The following ADGRA2 variants were observed in gnomAD, a reference collection of about 807,000 sequenced individuals.
The protein encoded by ADGRA2 is G-protein coupled receptor 124.
Under a neutral mutation model 98.7 loss-of-function variants are expected in ADGRA2, and 61 were observed. That is an observed-to-expected ratio of 0.62 (90% CI 0.50 to 0.76). The LOEUF (loss-of-function observed/expected upper bound fraction) is 0.76. Among genes scored for constraint, ADGRA2 ranks in the 30% least tolerant of loss-of-function variants. ADGRA2 has a pLI of 0.00. For missense variants in ADGRA2, 1,712 were observed against 1,860.0 expected, an observed-to-expected ratio of 0.92 and a Z score of 1.46; for synonymous variants, 858 against 831.5, an observed-to-expected ratio of 1.03 and a Z score of -0.55.
intron 17 of ADGRA2, among the ~76,000 whole-genome samples, 193 bp downstream of exon 17, chr8:37,840,459 C>T (rs1230547744): frequency 2.0e-5 from 3 of 152,110 alleles, no homozygotes; most frequent in Non-Finnish European, 4.4e-5. Flanking sequence ...GCTTCTGGGG[C>T]ATGACAAAGC....
chr8:37,799,873 T>G (rs999902821), intron 1 of ADGRA2, among the ~76,000 whole-genome samples: 1 of 152,178 alleles, frequency 6.6e-6, no homozygotes, highest in African/African-American at 2.4e-5. Context: ...ACAGACTTAC[T>G]GCTTAGCTCT....
chr8:37,842,619 C>G lies in ADGRA2; in HGVS notation c.*264C>G, dbSNP rs112994354. Reference sequence around the variant, plus strand: ...GCCCTCCCAGGAACGGGGAAGGCCTCCGTCTGTGTGAAAGGGCACAGCACA... The same window carrying G: ...GCCCTCCCAGGAACGGGGAAGGCCTGCGTCTGTGTGAAAGGGCACAGCACA... On this transcript the variant is annotated 3_prime_UTR_variant, in exon 19 of 19. Coordinates refer to ENST00000412232, the MANE Select transcript of ADGRA2 (RefSeq NM_032777.10). 2.1e-3 allele frequency: 934 copies of G among 453,882 alleles called. 2 individuals are homozygous for G. The highest frequency in any genetic ancestry group is 2.0e-3 in the Non-Finnish European group (548 of 275,736). 28.1% of individuals were successfully genotyped at this position (453,882 alleles called of 1,614,324 possible).
rs756740845 is a variant in ADGRA2, at chr8:37,830,180, C to T, written c.718+166C>T. Among the ~76,000 whole-genome samples the T allele has an allele frequency of 2.4e-4, 36 of 152,224 alleles. No homozygotes were observed. The highest frequency in any genetic ancestry group is 3.8e-4 in the Non-Finnish European group (26 of 68,044). ...GCTCTTGCATTTAGGGAGACCTTAT[C>T]TTTATGTATAAATCACCATCTGAGA... On this transcript the variant is annotated intron_variant, in intron 6 of 18. Coordinates refer to ENST00000412232, the MANE Select transcript of ADGRA2 (RefSeq NM_032777.10). The surrounding 1 kb of genome is among the most constrained non-coding windows in gnomAD (Gnocchi z 4.8).
chr8:37,844,506 AC>A lies in ADGRA2; in HGVS notation c.*2152del. 6.2e-7 allele frequency: 1 copy of A among 1,613,088 alleles called. No homozygotes were observed. Among genetic ancestry groups the A allele is most frequent in the Non-Finnish European group, 8.5e-7 (1 of 1,179,966 alleles). Reference sequence around the variant, plus strand: ...GGATATCCATCAGGGAGGGTTAGGGACACTCGTGGCAGCCTGTCTAGCAGCC... The same window carrying A: ...GGATATCCATCAGGGAGGGTTAGGGAACTCGTGGCAGCCTGTCTAGCAGCC... On this transcript the variant is annotated 3_prime_UTR_variant, in exon 19 of 19. Transcript: ENST00000412232.
intron 2 of ADGRA2, among the ~76,000 whole-genome samples, chr8:37,827,813 G>C (rs1805322678): frequency 6.8e-6 from 1 of 148,038 alleles, no homozygotes. Context: ...CAGACAGAGA[G>C]GGGCACAGGG....
rs757238253 is a variant in ADGRA2 at position 37,833,076 on chromosome 8, G to T, written c.1164G>T (p.Val388=). The part of the protein sequence containing the change: ...QSCLQYPFTS[V]PLGGGAPGTR... ...GCCTGCAGTATCCCTTCACCTCAGT[G>T]CCCCTGGGCGGGGGTGCCCCGGGCA... The change falls in exon 9 of 19, where the codon GTG becomes GTT. Residue 388 remains valine, a synonymous_variant. Coordinates refer to ENST00000412232, the MANE Select transcript of ADGRA2 (RefSeq NM_032777.10). 3 of 1,612,834 alleles carry T rather than the reference G, an allele frequency of 1.9e-6. No homozygotes were observed. Among genetic ancestry groups the T allele is most frequent in the Non-Finnish European group, 2.5e-6 (3 of 1,179,864 alleles).
intron 3 of ADGRA2, 125 bp from the exon 4 acceptor site, chr8:37,829,136 C>G (rs1260643834): frequency 1.2e-6 from 1 of 863,946 alleles, no homozygotes; most frequent in Non-Finnish European, 1.9e-6. Context: ...CGGCCTGGCC[C>G]CAACCTCATC....
rs769230814 is a variant in ADGRA2, at chr8:37,835,244, C to T, written c.1679C>T (p.Ala560Val). Residue 560 changes from alanine (A) to valine (V), a missense_variant, in exon 12 of 19, where the codon GCC (alanine) becomes GTC (valine). Physicochemically the swap from Ala to Val is moderately conservative, Grantham distance 64. Transcript: ENST00000412232. ...PHSYVGLTCT[A>V]FQRREGGVPG... is the part of the protein sequence containing the mutation. ...AGCTACGTGGGCCTGACCTGCACAGCCTTCCAGAGGAGGGAGGGAGGGGTG... is the reference window on the plus strand; with the variant it reads ...AGCTACGTGGGCCTGACCTGCACAGTCTTCCAGAGGAGGGAGGGAGGGGTG... 1.2e-6 allele frequency: 2 copies of T among 1,613,978 alleles called. No homozygotes were observed. Among genetic ancestry groups the T allele is most frequent in the South Asian group, 1.1e-5 (1 of 91,082 alleles).
chr8:37,804,356 C>G (rs998914759), intron 1 of ADGRA2, among the ~76,000 whole-genome samples: 1 of 152,188 alleles, frequency 6.6e-6, no homozygotes, highest in African/African-American at 2.4e-5. Context: ...CCCTCAGTCT[C>G]AAACAGTGAC....
Position 37,826,822 on chromosome 8 carries a change from C to A in ADGRA2, c.339-2066C>A, listed in dbSNP as rs557852097. On this transcript the variant is annotated intron_variant, in intron 2 of 18. Coordinates refer to ENST00000412232, the MANE Select transcript of ADGRA2 (RefSeq NM_032777.10). ...TGGGCAGGGCCAAGAGCCTCCTCAG[C>A]CCCCCACCCCTGACCTCCTCCTCCA... Among the ~76,000 whole-genome samples the A allele has an allele frequency of 3.3e-5, 5 of 152,106 alleles. No individual in the cohort carries two copies. In the East Asian group the frequency reaches 9.7e-4, roughly 30 times the overall value.
chr8:37,840,388 G>T lies in ADGRA2; in HGVS notation c.2657+122G>T, dbSNP rs10102577. Reference sequence around the variant, plus strand: ...TGGGAGATCACTCTCCAAAGACGGGGGAGGCTAGGCCCTAGACTCAGCAGG... The same window carrying T: ...TGGGAGATCACTCTCCAAAGACGGGTGAGGCTAGGCCCTAGACTCAGCAGG... On this transcript the variant is annotated intron_variant, in intron 17 of 18. Coordinates refer to ENST00000412232, the MANE Select transcript of ADGRA2 (RefSeq NM_032777.10). 12 of 1,050,466 alleles carry T rather than the reference G, an allele frequency of 1.1e-5. No homozygotes were observed. In the African/African-American group the frequency reaches 1.2e-4, roughly 11 times the overall value. 65.1% of individuals were successfully genotyped at this position (1,050,466 alleles called of 1,614,324 possible). A position where few individuals can be genotyped will look rare whatever the true frequency, so the allele number is the denominator to read the frequency against.
chr8:37,824,255 T>C (rs1336699966), intron 2 of ADGRA2, among the ~76,000 whole-genome samples: 1 of 152,000 alleles, frequency 6.6e-6, no homozygotes, highest in Non-Finnish European at 1.5e-5. Flanking sequence ...GGTCTCGAAC[T>C]CCTGACCTCG....
intron 17 of ADGRA2, among the ~76,000 whole-genome samples, 181 bp downstream of exon 17, chr8:37,840,447 G>A (rs891298383): frequency 4.6e-5 from 7 of 152,112 alleles, no homozygotes; most frequent in East Asian, 1.9e-4. Context: ...GACATCTTGC[G>A]GGCTTCTGGG....
At chr8:37,811,618 A>G (rs1352508558) in intron 1 of ADGRA2, among the ~76,000 whole-genome samples, 1 of 149,422 alleles carries the variant, frequency 6.7e-6, no homozygotes, top group African/African-American at 2.5e-5. Flanking sequence ...CTGGGATTAC[A>G]GGCATGCACC....
intron 1 of ADGRA2, among the ~76,000 whole-genome samples, chr8:37,799,858 C>G (rs1804447998): frequency 6.6e-6 from 1 of 152,174 alleles, no homozygotes; most frequent in South Asian, 2.1e-4. Flanking sequence ...ATGGAATCCC[C>G]AGCCACAGAC....
At chr8:37,836,097 A>ACACCCCC (rs1245868623) in intron 13 of ADGRA2, among the ~76,000 whole-genome samples, 4 of 108,742 alleles carry the variant, frequency 3.7e-5, no homozygotes, top group African/African-American at 1.5e-4. Flanking sequence ...ACACACACAC[A>ACACCCCC]CCCCACAGGC....
At chr8:37,808,560 G>GTGTT (rs1804742206) in intron 1 of ADGRA2, among the ~76,000 whole-genome samples, 1 of 126,162 alleles carries the variant, frequency 7.9e-6, no homozygotes, top group African/African-American at 4.6e-5. Flanking sequence ...GGATGAAGCT[G>GTGTT]TGTGTGTGTG....
At chr8:37,829,237 C>T in intron 3 of ADGRA2, 24 bp from the exon 4 acceptor site, 1 of 1,602,220 alleles carries the variant, frequency 6.2e-7, no homozygotes, top group South Asian at 1.1e-5. Flanking sequence ...GGCCAACATG[C>T]TGAGGTTGCC....
chr8:37,801,211 A>G (rs1179673812), intron 1 of ADGRA2, among the ~76,000 whole-genome samples: 2 of 152,134 alleles, frequency 1.3e-5, no homozygotes, highest in African/African-American at 4.8e-5. Flanking sequence ...CATCCTTTGC[A>G]TATTTTTCTC....
Sources: gnomAD v4.1 joint callset for allele counts (sites outside exome capture counted in the v4.1 genomes callset) on GRCh38, gnomAD v4.1.1 for gene constraint, Gnocchi (gnomAD v3.1) non-coding constraint, MANE v1.5 for transcripts, NCBI Gene and HGNC (gene_info 2026-07-23, HGNC 2026-07-21) for gene names.